Variants in FOXN3 observed in about 807,000 individuals in gnomAD.
FOXN3 encodes forkhead box N3.
A neutral mutation model predicts 38.4 loss-of-function variants in FOXN3; 7 were observed. The observed-to-expected ratio is 0.18, with a 90% CI of 0.10 to 0.34. FOXN3 has a LOEUF of 0.34. FOXN3 is among the 10% of genes least tolerant of loss of function. The pLI is 1.00. For missense variants in FOXN3, 456 were observed against 613.4 expected, an observed-to-expected ratio of 0.74 and a Z score of 2.71; for synonymous variants, 230 against 242.2, an observed-to-expected ratio of 0.95 and a Z score of 0.47.
chr14:89,281,943 T>C (rs558057482), intron 3 of FOXN3, among the ~76,000 whole-genome samples: 1 of 152,094 alleles, frequency 6.6e-6, no homozygotes, highest in African/African-American at 2.4e-5. Context: ...TAGGTTCGAG[T>C]AATGCATTTG....
In FOXN3 at chr14:89,484,952, G is replaced by A. The variant is rs985324426; in HGVS notation, c.-14-72462C>T. ...GGATCACTTGAGGTCAGGAGTTCGA[G>A]ACCAGCCTGGCCAATATGGTGAAAC... On this transcript the variant is annotated intron_variant, in intron 1 of 6. Coordinates refer to the FOXN3 transcript ENST00000345097. The surrounding 1 kb of genome is among the most constrained non-coding windows in gnomAD (Gnocchi z 4.0). Among the ~76,000 whole-genome samples, 13 of 152,052 alleles carry A rather than the reference G, an allele frequency of 8.5e-5. No individual in the cohort carries two copies. Among genetic ancestry groups the A allele is most frequent in the Admixed American group, 2.0e-4 (3 of 15,272 alleles).
At chr14:89,411,813 G>T in intron 2 of FOXN3, 121 bp downstream of exon 2, 1 of 565,890 alleles carries the variant, frequency 1.8e-6, no homozygotes, top group Non-Finnish European at 2.8e-6. Context: ...GAATTAAATA[G>T]ACTAAAACCC....
chr14:89,218,913 C>T (rs542977996), intron 4 of FOXN3, among the ~76,000 whole-genome samples: 1 of 152,342 alleles, frequency 6.6e-6, no homozygotes, highest in Admixed American at 6.5e-5. Flanking sequence ...TACACAAACT[C>T]TATTCTCAAT....
At chr14:89,506,726 C>A (rs1445185275) in intron 1 of FOXN3, among the ~76,000 whole-genome samples, 1 of 152,102 alleles carries the variant, frequency 6.6e-6, no homozygotes, top group African/African-American at 2.4e-5. Context: ...GGATGGTTGC[C>A]GTGTCTGTGT....
In FOXN3 at chr14:89,415,604, C is replaced by CAAAAAAAAAAAAAAAAAAAAAA. The variant is rs34026101; in HGVS notation, c.-15+1245_-15+1266dup. 1.5e-4 allele frequency among the ~76,000 whole-genome samples: 8 copies of CAAAAAAAAAAAAAAAAAAAAAA among 54,272 alleles called. 1 individual carries two copies. The highest frequency in any genetic ancestry group is 2.8e-4 in the Admixed American group (1 of 3,598). 35.6% of individuals were successfully genotyped at this position (54,272 alleles called of 152,430 possible). ...AAAAACAAAACAAAACAACAATAAC[C>CAAAAAAAAAAAAAAAAAAAAAA]AAAAAAAAAAAAAAAAAAAAAAAAA... On this transcript the variant is annotated intron_variant, in intron 1 of 5. Transcript: ENST00000557258.
At chr14:89,445,320 G>A (rs75322706) in intron 1 of FOXN3, among the ~76,000 whole-genome samples, 3,683 of 152,222 alleles carry the variant, frequency 0.024, 47 homozygotes, top group African/African-American at 0.039. Context: ...TGTCCCCAAA[G>A]TACAGTGTTG....
intron 2 of FOXN3, among the ~76,000 whole-genome samples, chr14:89,387,932 C>T (rs951829745): frequency 6.6e-6 from 1 of 152,248 alleles, no homozygotes; most frequent in African/African-American, 2.4e-5. Context: ...CCTGTAATCC[C>T]AGCACTTGGG....
intron 1 of FOXN3, among the ~76,000 whole-genome samples, chr14:89,413,549 C>T (rs1891600736): frequency 6.6e-6 from 1 of 151,932 alleles, no homozygotes; most frequent in African/African-American, 2.4e-5. Flanking sequence ...GGGAGGACTG[C>T]TTGAACCCAA....
intron 1 of FOXN3, among the ~76,000 whole-genome samples, chr14:89,520,845 G>T (rs1894303308): frequency 6.6e-6 from 1 of 152,116 alleles, no homozygotes; most frequent in Non-Finnish European, 1.5e-5. Context: ...TGACACAGAG[G>T]TTGTAATTAA....
At chr14:89,509,752 G>T (rs921902387) in intron 1 of FOXN3, among the ~76,000 whole-genome samples, 1 of 152,238 alleles carries the variant, frequency 6.6e-6, no homozygotes, top group Admixed American at 6.5e-5. Context: ...GCTGAATGAA[G>T]AAAGAGTTTA....
Position 89,511,267 on chromosome 14 carries a change from C to CT in FOXN3, c.-14-98778dup, listed in dbSNP as rs1259864921. On this transcript the variant is annotated intron_variant, in intron 1 of 6. Transcript: ENST00000345097. ...CTTTCTTTTCTTTCTTTCTTTCTTT[C>CT]TTTCTTTCTTTCTTTCTTTCTTTCT... Among the ~76,000 whole-genome samples, 33 of 50,544 alleles carry CT rather than the reference C, an allele frequency of 6.5e-4. 7 individuals carry two copies. The highest frequency in any genetic ancestry group is 1.6e-3 in the African/African-American group (28 of 17,616). 33.2% of individuals were successfully genotyped at this position (50,544 alleles called of 152,430 possible). A position where few individuals can be genotyped will look rare whatever the true frequency, so the allele number is the denominator to read the frequency against.
chr14:89,489,212 A>G (rs1893520047), intron 1 of FOXN3, among the ~76,000 whole-genome samples: 1 of 152,216 alleles, frequency 6.6e-6, no homozygotes, highest in Non-Finnish European at 1.5e-5. Flanking sequence ...TCATCTATCA[A>G]GAAAAAGAGG....
At chr14:89,204,510 A>G (rs1888325881) in intron 4 of FOXN3, among the ~76,000 whole-genome samples, 1 of 152,218 alleles carries the variant, frequency 6.6e-6, no homozygotes, top group Admixed American at 6.5e-5. Context: ...AATGCTTGGT[A>G]TTTTTTTTAA....
intron 1 of FOXN3, among the ~76,000 whole-genome samples, chr14:89,456,830 T>C (rs1400789715): frequency 1.3e-5 from 2 of 152,110 alleles, no homozygotes; most frequent in Non-Finnish European, 2.9e-5. Flanking sequence ...CAGTCAGAGA[T>C]GGGTTAATTA....
chr14:89,524,045 G>GATT lies in FOXN3; in HGVS notation c.-15+94982_-15+94983insAAT, dbSNP rs577932104. 1.0e-3 allele frequency among the ~76,000 whole-genome samples: 153 copies of GATT among 149,392 alleles called. 1 individual carries two copies. The highest frequency in any genetic ancestry group is 1.9e-3 in the South Asian group (9 of 4,632). ...CAAAGTGCTGAGATTACAGGCGTGA[G>GATT]CCACCACGCCTAGCCAAATAATTTG... On this transcript the variant is annotated intron_variant, in intron 1 of 6. Coordinates refer to the FOXN3 transcript ENST00000345097.
intron 3 of FOXN3, among the ~76,000 whole-genome samples, chr14:89,297,842 G>A (rs912429453): frequency 5.9e-5 from 9 of 152,146 alleles, no homozygotes; most frequent in South Asian, 4.2e-4. Context: ...TTAAGTCACC[G>A]GGTGTGGTGG....
intron 3 of FOXN3, among the ~76,000 whole-genome samples, chr14:89,293,904 T>G (rs1324832015): frequency 6.6e-6 from 1 of 152,296 alleles, no homozygotes; most frequent in East Asian, 1.9e-4. Flanking sequence ...CTGCCACAAA[T>G]GTCTGTTGAG....
At chr14:89,530,458 C>A (rs1596308849) in intron 1 of FOXN3, among the ~76,000 whole-genome samples, 1 of 152,090 alleles carries the variant, frequency 6.6e-6, no homozygotes, top group African/African-American at 2.4e-5. Flanking sequence ...AAGACTGGCT[C>A]CCATGATTCA....
At position 89,531,411 on chromosome 14, in the gene FOXN3, G is replaced by A. The variant is rs1364995496; in HGVS notation, c.-15+87617C>T. On this transcript the variant is annotated intron_variant, in intron 1 of 6. Transcript: ENST00000345097. Reference sequence around the variant, plus strand: ...ACTAATTAAAAATTACTTTTGAACAGTATAGAAGTTAACTCATCCAAGCAA... The same window carrying A: ...ACTAATTAAAAATTACTTTTGAACAATATAGAAGTTAACTCATCCAAGCAA... Among the ~76,000 whole-genome samples the A allele has an allele frequency of 1.3e-5, 2 of 152,154 alleles. 1 individual carries two copies. Among genetic ancestry groups the A allele is most frequent in the South Asian group, 4.1e-4 (2 of 4,834 alleles).
Sources: allele counts gnomAD v4.1 joint callset (sites outside exome capture counted in the v4.1 genomes callset), GRCh38; gene constraint gnomAD v4.1.1; non-coding constraint Gnocchi (gnomAD v3.1); transcripts MANE v1.5; gene names NCBI Gene and HGNC (gene_info 2026-07-23, HGNC 2026-07-21).